The following GLT1D1 variants were observed in gnomAD, a reference collection of about 807,000 sequenced individuals.
GLT1D1 encodes glycosyltransferase 1 domain-containing protein 1.
In GLT1D1, 21 loss-of-function variants were observed where a neutral mutation model predicts 28.7. That is an observed-to-expected ratio of 0.73 (90% CI 0.52 to 1.05). The LOEUF (loss-of-function observed/expected upper bound fraction) is 1.05, where lower values mean the gene tolerates loss of function less well. GLT1D1 is among the 50% of genes least tolerant of loss of function. GLT1D1 has a pLI of 0.00. For synonymous variants in GLT1D1, 147 were observed against 124.8 expected (o/e 1.18, Z -1.19); for missense variants, 343 against 330.6 (o/e 1.04, Z -0.29).
Position 128,908,200 on chromosome 12 carries a change from C to T in GLT1D1, c.375+8913C>T, listed in dbSNP as rs139948393. ...CTGGGATTACAGGTGTGAGTCCCCG[C>T]GCCTGGCCGGATTGTGTTAACTTCA... On this transcript the variant is annotated intron_variant, in intron 4 of 7. Transcript: ENST00000281703. Among the ~76,000 whole-genome samples the T allele has an allele frequency of 1.4e-4, 21 of 152,278 alleles. No homozygotes were observed. In the East Asian group the frequency reaches 3.7e-3, roughly 27 times the overall value.
chr12:128,853,782 A>C, intron 1 of GLT1D1, 133 bp downstream of exon 1: 5 of 547,386 alleles, frequency 9.1e-6, no homozygotes, highest in Non-Finnish European at 1.2e-5. Flanking sequence ...CGCGCGCACA[A>C]ACGGATGGGC....
intron 4 of GLT1D1, among the ~76,000 whole-genome samples, chr12:128,899,633 T>A (rs1870026658): frequency 6.7e-6 from 1 of 149,298 alleles, no homozygotes; most frequent in Non-Finnish European, 1.5e-5. Flanking sequence ...CACTGCAACT[T>A]CCACCTCCCG....
chr12:128,920,786 A>G (rs988549839), intron 4 of GLT1D1, among the ~76,000 whole-genome samples: 2 of 152,222 alleles, frequency 1.3e-5, no homozygotes, highest in African/African-American at 4.8e-5. Context: ...AAATGGTTCT[A>G]TCGGAAAGAC....
chr12:128,952,548 C>A (rs1876816949), intron 6 of GLT1D1, among the ~76,000 whole-genome samples: 1 of 151,346 alleles, frequency 6.6e-6, no homozygotes, highest in African/African-American at 2.4e-5. Context: ...CTCACCCCAA[C>A]CTCCACCTCC....
Position 128,956,171 on chromosome 12 carries a change from A to AAAAAAAAAAAAAAAAAAAAAG in GLT1D1, c.541-1373_541-1372insAAAAAAAAAAAAAAAAAAAGA, listed in dbSNP as rs374597920. ...GAGACTCCATCTCAAAAAAAAAAAA[A>AAAAAAAAAAAAAAAAAAAAAG]AGAGAAAGAGAGAAAGAAAGAAAGA... On this transcript the variant is annotated intron_variant, in intron 6 of 7. Transcript: ENST00000281703. 2.5e-3 allele frequency among the ~76,000 whole-genome samples: 159 copies of AAAAAAAAAAAAAAAAAAAAAG among 63,900 alleles called. 25 individuals are homozygous for AAAAAAAAAAAAAAAAAAAAAG. The highest frequency in any genetic ancestry group is 4.5e-3 in the African/African-American group (100 of 22,298). The allele number at this position is 63,900 out of a possible 152,430, so 41.9% of individuals were successfully genotyped here. A position where few individuals can be genotyped will look rare whatever the true frequency, so the allele number is the denominator to read the frequency against.
rs57835879 is a variant in GLT1D1, at chr12:128,922,162, C to CTGTGTG, written c.375+22901_375+22906dup. On this transcript the variant is annotated intron_variant, in intron 4 of 7. Coordinates refer to ENST00000281703, the MANE Select transcript of GLT1D1 (RefSeq NM_144669.3). ...AGATCTTTTTCTGACTATGTAAACTCTGTGTGTGTGTGTGTGTGTGTGTGT... is the reference window on the plus strand; with the variant it reads ...AGATCTTTTTCTGACTATGTAAACTCTGTGTGTGTGTGTGTGTGTGTGTGTGTGTGT... 1.3e-3 allele frequency among the ~76,000 whole-genome samples: 195 copies of CTGTGTG among 148,790 alleles called. 1 individual carries two copies. The highest frequency in any genetic ancestry group is 4.5e-3 in the African/African-American group (180 of 40,446).
At chr12:128,866,812 G>C (rs1421562361) in intron 1 of GLT1D1, among the ~76,000 whole-genome samples, 1 of 151,730 alleles carries the variant, frequency 6.6e-6, no homozygotes, top group Admixed American at 6.6e-5. Context: ...GTAGAGACAG[G>C]GTTTCACCTT....
intron 1 of GLT1D1, among the ~76,000 whole-genome samples, chr12:128,867,801 CT>C: frequency 6.6e-6 from 1 of 152,186 alleles, no homozygotes; most frequent in Admixed American, 6.5e-5. Context: ...AGCATGGAAT[CT>C]CCCCAGAACT....
chr12:128,881,926 A>G (rs76440594), intron 2 of GLT1D1, among the ~76,000 whole-genome samples: 1 of 152,040 alleles, frequency 6.6e-6, no homozygotes, highest in African/African-American at 2.4e-5. Context: ...TTCTCCCCTC[A>G]GTTTTAAACA....
chr12:128,935,853 T>C (rs1455781473), intron 4 of GLT1D1, among the ~76,000 whole-genome samples: 1 of 152,202 alleles, frequency 6.6e-6, no homozygotes, highest in African/African-American at 2.4e-5. Flanking sequence ...TGTAGTCCCG[T>C]ACGAAATCCA....
In GLT1D1 at chr12:128,899,303, G is replaced by A; in HGVS notation, c.375+16G>A. On this transcript the variant is annotated intron_variant, in intron 4 of 7. Coordinates refer to ENST00000281703, the MANE Select transcript of GLT1D1 (RefSeq NM_144669.3). The stretch of plus-strand genomic sequence containing the variant: ...AGCGCAGTGGGTATGTGTTTATCTG[G>A]TGTTGTTATTTTGGTTGTGCTGATG... 2 of 1,609,446 alleles carry A rather than the reference G, an allele frequency of 1.2e-6. No individual in the cohort carries two copies. Among genetic ancestry groups the A allele is most frequent in the Non-Finnish European group, 1.7e-6 (2 of 1,175,752 alleles).
intron 7 of GLT1D1, among the ~76,000 whole-genome samples, chr12:128,979,958 T>C (rs1880161410): frequency 6.6e-6 from 1 of 152,242 alleles, no homozygotes; most frequent in East Asian, 1.9e-4. Flanking sequence ...AGAACGGTTG[T>C]ATGGGTGCCT....
chr12:128,933,273 C>T (rs1874133798), intron 4 of GLT1D1, among the ~76,000 whole-genome samples: 1 of 152,276 alleles, frequency 6.6e-6, no homozygotes. Context: ...TGCGGGTAGA[C>T]GCAGGCGGCG....
chr12:128,855,952 A>G (rs1452978348), intron 1 of GLT1D1, among the ~76,000 whole-genome samples: 2 of 151,954 alleles, frequency 1.3e-5, no homozygotes, highest in Non-Finnish European at 2.9e-5. Flanking sequence ...GGGTTTCACC[A>G]TGTTGGCCAG....
Position 128,907,116 on chromosome 12 carries a change from C to T in GLT1D1, c.375+7829C>T, listed in dbSNP as rs907081588. ...CCCATTGCTTTATGTCTGATTACCT[C>T]GGAAAGTCATCTTGGCAGCAGCTGA... On this transcript the variant is annotated intron_variant, in intron 4 of 7. Coordinates refer to ENST00000281703, the MANE Select transcript of GLT1D1 (RefSeq NM_144669.3). Among the ~76,000 whole-genome samples, 12 of 152,188 alleles carry T rather than the reference C, an allele frequency of 7.9e-5. 1 individual carries two copies. Among genetic ancestry groups the T allele is most frequent in the Admixed American group, 4.6e-4 (7 of 15,278 alleles).
chr12:128,858,971 G>A (rs764205279), intron 1 of GLT1D1, among the ~76,000 whole-genome samples: 2 of 152,008 alleles, frequency 1.3e-5, no homozygotes, highest in East Asian at 3.9e-4. Flanking sequence ...CTTCCTCCCC[G>A]CAACCCCCAT....
At chr12:128,902,459 A>T (rs1795674) in intron 4 of GLT1D1, among the ~76,000 whole-genome samples, 145,418 of 148,332 alleles carry the variant, frequency 0.98, 71,427 homozygotes, top group East Asian at 1. Context: ...CACTCCAGCC[A>T]GGGCAAGAAG....
At chr12:128,958,586 CAAA>C (rs1164628353) in intron 7 of GLT1D1, among the ~76,000 whole-genome samples, 972 of 74,434 alleles carry the variant, frequency 0.013, 17 homozygotes, top group African/African-American at 0.039. Flanking sequence ...ATTAAAAAGA[CAAA>C]AAAAAAAAAA....
intron 7 of GLT1D1, among the ~76,000 whole-genome samples, chr12:128,959,206 A>G (rs9943737): frequency 1 from 150,915 of 151,484 alleles, 75,176 homozygotes; most frequent in South Asian, 1. Context: ...ATGATATTCC[A>G]AAATCCAGAA....
Sources: gnomAD v4.1 joint callset for allele counts (sites outside exome capture counted in the v4.1 genomes callset) on GRCh38, gnomAD v4.1.1 for gene constraint, MANE v1.5 for transcripts, NCBI Gene and HGNC (gene_info 2026-07-23, HGNC 2026-07-21) for gene names.